Variants in CADM2 observed in about 807,000 individuals in gnomAD.
The protein encoded by CADM2 is immunoglobulin superfamily member 4D.
In CADM2, 12 loss-of-function variants were observed where a neutral mutation model predicts 49.8. That is an observed-to-expected ratio of 0.24 (90% confidence interval 0.15 to 0.39). The LOEUF is 0.39. Among genes scored for constraint, CADM2 ranks in the 10% least tolerant of loss-of-function variants. CADM2 has a pLI of 1.00. For synonymous variants in CADM2, 214 were observed against 175.4 expected (o/e 1.22, Z -1.74); for missense variants, 378 against 492.3 (o/e 0.77, Z 2.20).
Position 85,990,013 on chromosome 3 carries a change from CAAAAAAAAAAAAAAAAA to C in CADM2, c.970+28381_970+28397del, listed in dbSNP as rs58178176. ...GGCGACAAGAGAGAAACTCCATGTC[CAAAAAAAAAAAAAAAAA>C]AAAAAAAAAAAAAAGAAGACTAATA... is the stretch of plus-strand genomic sequence containing the variant. On this transcript the variant is annotated intron_variant, in intron 8 of 9. Coordinates refer to ENST00000383699, the MANE Select transcript of CADM2 (RefSeq NM_001167675.2). Among the ~76,000 whole-genome samples the C allele has an allele frequency of 1.8e-3, 17 of 9,638 alleles. No individual in the cohort carries two copies. In the South Asian group the frequency reaches 0.083, roughly 47 times the overall value. 6.3% of individuals were successfully genotyped at this position (9,638 alleles called of 152,430 possible).
intron 1 of CADM2, among the ~76,000 whole-genome samples, chr3:85,684,981 C>G (rs1274801917): frequency 1.3e-5 from 2 of 152,118 alleles, no homozygotes; most frequent in Non-Finnish European, 2.9e-5. Flanking sequence ...AATGGAGAAT[C>G]GGCCGGGCGC....
In CADM2 at chr3:85,948,588, C is replaced by A. The variant is rs575798863; in HGVS notation, c.791+12731C>A. Among the ~76,000 whole-genome samples the A allele has an allele frequency of 7.9e-5, 12 of 151,262 alleles. No individual in the cohort carries two copies. The East Asian group carries it at 2.3e-3, about 29-fold the overall frequency. ...CCTTAGCCACTTACTCAAAAAAATA[C>A]ATCCTAAAAGAAATTTTCTTGCATT... On this transcript the variant is annotated intron_variant, in intron 7 of 9. Coordinates refer to ENST00000383699, the MANE Select transcript of CADM2 (RefSeq NM_001167675.2).
intron 1 of CADM2, among the ~76,000 whole-genome samples, chr3:85,134,646 C>G (rs1342477422): frequency 6.6e-6 from 1 of 152,082 alleles, no homozygotes; most frequent in Non-Finnish European, 1.5e-5. Context: ...TTTAAGATGT[C>G]TTTTACTTGA....
intron 1 of CADM2, among the ~76,000 whole-genome samples, chr3:85,018,136 T>C (rs1175541961): frequency 6.6e-6 from 1 of 152,186 alleles, no homozygotes; most frequent in Non-Finnish European, 1.5e-5. Context: ...CATATATGTG[T>C]GTCTGTATGT....
chr3:85,022,504 C>T (rs1389667513), intron 1 of CADM2, among the ~76,000 whole-genome samples: 1 of 152,190 alleles, frequency 6.6e-6, no homozygotes, highest in African/African-American at 2.4e-5. Flanking sequence ...TTCTCAAGCT[C>T]TACCAACAAA....
chr3:85,649,745 C>T (rs2064990384), intron 1 of CADM2, among the ~76,000 whole-genome samples: 1 of 152,146 alleles, frequency 6.6e-6, no homozygotes, highest in Admixed American at 6.6e-5. Flanking sequence ...TAGCTATGAA[C>T]TCACTCATGC....
At chr3:85,822,413 G>A (rs1009788177) in intron 3 of CADM2, among the ~76,000 whole-genome samples, 5 of 151,850 alleles carry the variant, frequency 3.3e-5, no homozygotes, top group African/African-American at 4.8e-5. Flanking sequence ...ATGAAACCCC[G>A]TCTTTACTAA....
chr3:86,044,545 A>T (rs1559821803), intron 8 of CADM2, among the ~76,000 whole-genome samples: 1 of 152,198 alleles, frequency 6.6e-6, no homozygotes, highest in Non-Finnish European at 1.5e-5. Context: ...GGCGATCATT[A>T]AACAGTCAGG....
chr3:85,481,277 T>C (rs2039199518), intron 1 of CADM2, among the ~76,000 whole-genome samples: 1 of 150,042 alleles, frequency 6.7e-6, no homozygotes, highest in Admixed American at 6.7e-5. Context: ...CAACAGTGTT[T>C]AATATTTATA....
chr3:85,474,642 A>C (rs1177226967), intron 1 of CADM2, among the ~76,000 whole-genome samples: 2 of 151,936 alleles, frequency 1.3e-5, no homozygotes, highest in Non-Finnish European at 2.9e-5. Context: ...TTGAAACATG[A>C]TTTATATCAT....
intron 1 of CADM2, among the ~76,000 whole-genome samples, chr3:85,601,206 C>G (rs72615728): frequency 0.5 from 67,173 of 133,822 alleles, 20,049 homozygotes; most frequent in East Asian, 0.85. Flanking sequence ...GTCATTTGCT[C>G]CCAAGTGGAA....
intron 2 of CADM2, among the ~76,000 whole-genome samples, chr3:85,764,029 G>A (rs1378956107): frequency 2.0e-5 from 3 of 151,952 alleles, no homozygotes; most frequent in Non-Finnish European, 4.4e-5. Flanking sequence ...ATGAACAGAG[G>A]GAAATGGGAA....
At chr3:86,061,993 G>GA (rs1323554258) in intron 8 of CADM2, among the ~76,000 whole-genome samples, 3 of 150,794 alleles carry the variant, frequency 2.0e-5, no homozygotes, top group East Asian at 2.0e-4. Context: ...TGGTGGGGGG[G>GA]GGGTTGAATT....
intron 1 of CADM2, among the ~76,000 whole-genome samples, chr3:85,372,423 GTGTGTATATA>G (rs1170087938): frequency 3.9e-5 from 1 of 25,640 alleles, no homozygotes; most frequent in Admixed American, 5.2e-4. Context: ...ATGTATATAT[GTGTGTATATA>G]TGTATATATG....
chr3:85,586,642 G>A (rs538672017), intron 1 of CADM2, among the ~76,000 whole-genome samples: 5 of 152,060 alleles, frequency 3.3e-5, no homozygotes, highest in Non-Finnish European at 7.4e-5. Context: ...TTAAAGTCAC[G>A]TATATTAATA....
chr3:85,431,129 C>T (rs945181604), intron 1 of CADM2, among the ~76,000 whole-genome samples: 3 of 152,036 alleles, frequency 2.0e-5, no homozygotes, highest in Non-Finnish European at 4.4e-5. Flanking sequence ...CACTTGCCTA[C>T]AATGTTCAGT....
intron 1 of CADM2, among the ~76,000 whole-genome samples, chr3:85,447,006 AT>A (rs1487437074): frequency 7.7e-6 from 1 of 129,690 alleles, no homozygotes; most frequent in Non-Finnish European, 1.6e-5. Flanking sequence ...ATATATATAT[AT>A]ATATATATAT....
chr3:85,267,955 C>G (rs2106831302), intron 1 of CADM2, among the ~76,000 whole-genome samples: 1 of 151,684 alleles, frequency 6.6e-6, no homozygotes, highest in South Asian at 2.1e-4. Context: ...AAAACTCCTA[C>G]AATGTATTAG....
chr3:86,025,442 T>G (rs1316628305), intron 8 of CADM2, among the ~76,000 whole-genome samples: 2 of 152,324 alleles, frequency 1.3e-5, no homozygotes, highest in African/African-American at 2.4e-5. Flanking sequence ...ACTTTTTTTT[T>G]TGTTAATTCC....
Sources: allele counts gnomAD v4.1 joint callset (sites outside exome capture counted in the v4.1 genomes callset), GRCh38; gene constraint gnomAD v4.1.1; transcripts MANE v1.5; gene names NCBI Gene and HGNC (gene_info 2026-07-23, HGNC 2026-07-21).